ITPR1: variants seen among roughly 807,000 people sequenced by gnomAD.
ITPR1 encodes the protein inositol 1,4,5-trisphosphate-gated calcium channel ITPR1.
A neutral mutation model predicts 318.4 loss-of-function variants in ITPR1; 96 were observed. The observed-to-expected ratio is 0.30, with a 90% CI of 0.26 to 0.36. ITPR1 has a LOEUF of 0.36. Among genes scored for constraint, ITPR1 ranks in the 10% least tolerant of loss-of-function variants. The pLI is 1.00. For missense variants in ITPR1, 2,440 were observed against 3,460.2 expected (o/e 0.71, Z 7.40); for synonymous variants, 1,312 against 1,289.9 (o/e 1.02, Z -0.37).
At chr3:4,727,052 A>G (rs2042568141) in intron 41 of ITPR1, 74 bp from the exon 42 acceptor site, 1 of 1,179,116 alleles carries the variant, frequency 8.5e-7, no homozygotes, top group African/African-American at 1.5e-5. Flanking sequence ...AATGTATTTT[A>G]TATGTGACTG....
chr3:4,719,898 C>A (rs2042027242), intron 40 of ITPR1, among the ~76,000 whole-genome samples: 1 of 113,188 alleles, frequency 8.8e-6, no homozygotes, highest in African/African-American at 3.1e-5. Context: ...TTTTCTTAAT[C>A]CCCTGGGGCT....
At chr3:4,635,419 C>A (rs2093155326) in intron 5 of ITPR1, among the ~76,000 whole-genome samples, 1 of 152,182 alleles carries the variant, frequency 6.6e-6, no homozygotes, top group African/African-American at 2.4e-5. Flanking sequence ...CGGCTCACTG[C>A]AAGCTCCACC....
chr3:4,788,018 G>T lies in ITPR1; in HGVS notation c.6687G>T (p.Lys2229Asn), dbSNP rs760385648. 2.0e-5 allele frequency: 32 copies of T among 1,612,618 alleles called. No homozygotes were observed. The highest frequency in any genetic ancestry group is 2.7e-5 in the Non-Finnish European group (32 of 1,179,294). ...CCAGCATATGTGAATTCCTAACCAA[G>T]GAGTCAAAACTACGAATTTACTATA... The part of the protein sequence containing the change: ...PVPSICEFLT[K>N]ESKLRIYYTT... The change falls in exon 52 of 62, where the codon AAG (lysine) becomes AAT (asparagine). Residue 2229 changes from lysine to asparagine, a missense_variant. Physicochemically the swap from Lys to Asn is moderately conservative, Grantham distance 94 (BLOSUM62 0). This residue lies in a region of ITPR1 where 115 missense variants were observed against 204.5 expected (regional missense o/e 0.56). Transcript: ENST00000649015.
chr3:4,688,640 T>A lies in ITPR1; in HGVS notation c.3828+20T>A. On this transcript the variant is annotated intron_variant, in intron 31 of 61. Coordinates refer to ENST00000649015, the MANE Select transcript of ITPR1 (RefSeq NM_001378452.1). ...CCAGGGGTAAGACTTGAGGCCAATC[T>A]GCAAATCTATAGAGGGAGGAGGGCA... is the stretch of plus-strand genomic sequence containing the variant. 6.2e-7 allele frequency: 1 copy of A among 1,608,820 alleles called. No homozygotes were observed. Among genetic ancestry groups the A allele is most frequent in the Non-Finnish European group, 8.5e-7 (1 of 1,175,656 alleles).
intron 13 of ITPR1, among the ~76,000 whole-genome samples, chr3:4,659,176 C>T (rs183691341): frequency 5.3e-5 from 8 of 152,180 alleles, no homozygotes; most frequent in Admixed American, 2.0e-4. Context: ...TATGGCCCCT[C>T]GTGAAGTATT....
intron 42 of ITPR1, among the ~76,000 whole-genome samples, chr3:4,731,699 A>C (rs1015126152): frequency 1.3e-5 from 2 of 152,190 alleles, no homozygotes; most frequent in African/African-American, 4.8e-5. Context: ...GATGATTGAC[A>C]GGAGCCAAGA....
At chr3:4,503,707 G>A (rs141371178) in intron 2 of ITPR1, among the ~76,000 whole-genome samples, 1 of 152,154 alleles carries the variant, frequency 6.6e-6, no homozygotes, top group African/African-American at 2.4e-5. Context: ...CACACGCAAC[G>A]GAGACCTCTC....
chr3:4,830,633 T>C (rs748757196), intron 60 of ITPR1, among the ~76,000 whole-genome samples: 1 of 152,146 alleles, frequency 6.6e-6, no homozygotes, highest in Non-Finnish European at 1.5e-5. Flanking sequence ...TACCCCCTTC[T>C]AGTCGTTTCC....
At position 4,516,589 on chromosome 3, in the gene ITPR1, A is replaced by G; in HGVS notation, c.92+6A>G. On this transcript the variant is annotated splice_donor_region_variant and intron_variant, in intron 3 of 61. Coordinates refer to ENST00000649015, the MANE Select transcript of ITPR1 (RefSeq NM_001378452.1). ...GGATTTATTAGCACCTTGGGGTAAG[A>G]GCATGCAATTTCTTGTGTGGCACGG... 6.4e-7 allele frequency: 1 copy of G among 1,568,064 alleles called. No individual in the cohort carries two copies. The highest frequency in any genetic ancestry group is 1.4e-5 in the African/African-American group (1 of 73,724).
At chr3:4,652,332 CT>C (rs1468074190) in intron 11 of ITPR1, 114 bp downstream of exon 11, 4 of 692,016 alleles carry the variant, frequency 5.8e-6, no homozygotes, top group Non-Finnish European at 7.5e-6. Flanking sequence ...ACTCAGTCAC[CT>C]TGCTTTTCCT....
intron 7 of ITPR1, 75 bp downstream of exon 7, chr3:4,642,326 G>A: frequency 8.3e-7 from 1 of 1,210,314 alleles, no homozygotes; most frequent in Non-Finnish European, 1.1e-6. Flanking sequence ...GAGTTAAGGA[G>A]GAGACGTTGA....
chr3:4,642,127 T>C lies in ITPR1; in HGVS notation c.401T>C (p.Val134Ala). The change falls in exon 7 of 62, where the codon GTG (valine) becomes GCG (alanine). Residue 134 changes from valine to alanine, a missense_variant. Around this residue, in one of 23 missense-constraint regions of ITPR1, gnomAD observed 186 missense variants for 323.9 expected, o/e 0.57. Coordinates refer to ENST00000649015, the MANE Select transcript of ITPR1 (RefSeq NM_001378452.1). ...TTGAAAAGTAATAAATACCTAACAG[T>C]GAATAAGAGGCTTCCTGCTCTGTTG... Reference protein sequence around the residue: ...LHLKSNKYLTVNKRLPALLEK... With the variant: ...LHLKSNKYLTANKRLPALLEK... The C allele has an allele frequency of 6.2e-7, 1 of 1,608,390 alleles. No individual in the cohort carries two copies. Among genetic ancestry groups the C allele is most frequent in the Non-Finnish European group, 8.5e-7 (1 of 1,177,232 alleles).
At chr3:4,502,101 G>A (rs773152251) in intron 2 of ITPR1, among the ~76,000 whole-genome samples, 14 of 152,168 alleles carry the variant, frequency 9.2e-5, no homozygotes, top group Non-Finnish European at 1.8e-4. Flanking sequence ...AAGCTGATAC[G>A]ACACCCAGAC....
chr3:4,806,283 G>T lies in ITPR1; in HGVS notation c.7272+16G>T. On this transcript the variant is annotated intron_variant, in intron 55 of 61. Coordinates refer to ENST00000649015, the MANE Select transcript of ITPR1 (RefSeq NM_001378452.1). ...CAGTCTGCTGGTGAGTACCTGGTGTGGAAATATTTTATGTGTGGGGAAACT... is the reference window on the plus strand; with the variant it reads ...CAGTCTGCTGGTGAGTACCTGGTGTTGAAATATTTTATGTGTGGGGAAACT... 4 of 1,611,976 alleles carry T rather than the reference G, an allele frequency of 2.5e-6. No homozygotes were observed. Among genetic ancestry groups the T allele is most frequent in the Non-Finnish European group, 3.4e-6 (4 of 1,178,092 alleles).
intron 18 of ITPR1, among the ~76,000 whole-genome samples, chr3:4,668,515 T>G (rs908968143): frequency 2.6e-5 from 4 of 152,084 alleles, no homozygotes; most frequent in African/African-American, 9.7e-5. Context: ...TCACCCAGGC[T>G]GGAGGGCAGT....
intron 4 of ITPR1, among the ~76,000 whole-genome samples, chr3:4,550,736 G>A (rs996468046): frequency 5.9e-5 from 9 of 151,900 alleles, no homozygotes; most frequent in Admixed American, 5.2e-4. Flanking sequence ...AAAAGTTAGC[G>A]AGGCATAGTG....
At chr3:4,834,097 T>G (rs1303634068) in intron 60 of ITPR1, among the ~76,000 whole-genome samples, 1 of 152,106 alleles carries the variant, frequency 6.6e-6, no homozygotes, top group Admixed American at 6.5e-5. Context: ...CTCACTCTAT[T>G]GCCCAGGCCA....
intron 4 of ITPR1, among the ~76,000 whole-genome samples, chr3:4,535,473 T>C (rs1482544453): frequency 5.6e-5 from 8 of 142,426 alleles, no homozygotes; most frequent in East Asian, 2.1e-4. Flanking sequence ...GACGGAGTCT[T>C]GCTCTGTTGC....
chr3:4,524,069 A>G (rs1359474832), intron 4 of ITPR1, among the ~76,000 whole-genome samples: 1 of 152,110 alleles, frequency 6.6e-6, no homozygotes, highest in Non-Finnish European at 1.5e-5. Context: ...TTGTGGGAAA[A>G]TCTGGTTCAA....
Sources: allele counts gnomAD v4.1 joint callset (sites outside exome capture counted in the v4.1 genomes callset), GRCh38; gene constraint gnomAD v4.1.1; regional missense constraint gnomAD v4.1.1; transcripts MANE v1.5; gene names NCBI Gene and HGNC (gene_info 2026-07-23, HGNC 2026-07-21).